Variants in GBE1 observed in about 807,000 individuals in gnomAD.
The protein encoded by GBE1 is 1,4-alpha-glucan branching enzyme 1, also known as 1,4-alpha-glucan-branching enzyme.
A neutral mutation model predicts 88.8 loss-of-function variants in GBE1; 70 were observed. That is an observed-to-expected ratio of 0.79 (90% CI 0.65 to 0.96). The LOEUF is 0.96. GBE1 is among the 40% of genes least tolerant of loss of function. GBE1 has a pLI of 0.00. For missense variants in GBE1, 872 were observed against 871.0 expected (o/e 1.00, Z -0.01); for synonymous variants, 284 against 300.1 (o/e 0.95, Z 0.56).
chr3:81,653,062 G>A (rs375747076), intron 3 of GBE1, among the ~76,000 whole-genome samples: 11 of 152,260 alleles, frequency 7.2e-5, no homozygotes, highest in South Asian at 6.2e-4. Context: ...GTTTAAAAGA[G>A]TTCACTTGAT....
chr3:81,531,475 T>C (rs1234205847), intron 14 of GBE1, among the ~76,000 whole-genome samples: 1 of 152,012 alleles, frequency 6.6e-6, no homozygotes, highest in Non-Finnish European at 1.5e-5. Flanking sequence ...ATCAAAGGCC[T>C]GTGGCAATTG....
At chr3:81,625,829 G>A (rs532087696) in intron 7 of GBE1, among the ~76,000 whole-genome samples, 2 of 152,146 alleles carry the variant, frequency 1.3e-5, no homozygotes, top group South Asian at 2.1e-4. Flanking sequence ...ATTGGAGTAC[G>A]GGGAGAAAAG....
intron 3 of GBE1, among the ~76,000 whole-genome samples, chr3:81,665,054 AG>A (rs1705091652): frequency 6.6e-6 from 1 of 152,218 alleles, no homozygotes; most frequent in Non-Finnish European, 1.5e-5. Context: ...AGTTTGCAAC[AG>A]TGTTTCATAA....
intron 1 of GBE1, among the ~76,000 whole-genome samples, chr3:81,722,320 C>A (rs1706045698): frequency 6.6e-6 from 1 of 151,942 alleles, no homozygotes. Context: ...AAGGGTTGCC[C>A]ATTTAATTAT....
chr3:81,759,646 G>A (rs1418775732), intron 1 of GBE1, among the ~76,000 whole-genome samples: 1 of 152,206 alleles, frequency 6.6e-6, no homozygotes, highest in Non-Finnish European at 1.5e-5. Context: ...CCGGGTCAGA[G>A]TGAGGCATGA....
At chr3:81,517,032 C>T (rs1004135328) in intron 14 of GBE1, among the ~76,000 whole-genome samples, 1 of 151,448 alleles carries the variant, frequency 6.6e-6, no homozygotes, top group African/African-American at 2.4e-5. Context: ...TAATCTTTAT[C>T]AACTAAGTGG....
At chr3:81,675,802 T>A (rs557766048) in intron 2 of GBE1, among the ~76,000 whole-genome samples, 1 of 152,200 alleles carries the variant, frequency 6.6e-6, no homozygotes, top group African/African-American at 2.4e-5. Flanking sequence ...CCTATACGCA[T>A]AAATTATTTT....
intron 14 of GBE1, 121 bp downstream of exon 14, chr3:81,535,074 G>T: frequency 1.1e-6 from 1 of 894,074 alleles, no homozygotes; most frequent in Non-Finnish European, 1.7e-6. Flanking sequence ...TCATTTTTCA[G>T]ATGAGGAAAA....
intron 14 of GBE1, among the ~76,000 whole-genome samples, chr3:81,501,503 G>C (rs944918214): frequency 1.3e-5 from 2 of 151,978 alleles, no homozygotes; most frequent in African/African-American, 4.8e-5. Context: ...GGCATATTTT[G>C]GGGTAGCATG....
chr3:81,509,595 T>TA (rs1333832585), intron 14 of GBE1: 1 of 151,928 alleles, frequency 6.6e-6, no homozygotes, highest in African/African-American at 2.4e-5. Flanking sequence ...CTCTGCCATA[T>TA]AGGACCTAGA....
chr3:81,633,868 T>C (rs985380281), intron 7 of GBE1, among the ~76,000 whole-genome samples: 3 of 152,206 alleles, frequency 2.0e-5, no homozygotes, highest in Middle Eastern at 3.2e-3. Flanking sequence ...CCTTAGTGAC[T>C]GGTTTTTATC....
intron 12 of GBE1, among the ~76,000 whole-genome samples, chr3:81,565,868 T>C (rs1007450941): frequency 9.2e-5 from 14 of 152,234 alleles, no homozygotes; most frequent in Admixed American, 4.6e-4. Context: ...TTTGTTTGCA[T>C]ATAAATCTAT....
rs1421359447 is a variant in GBE1, at chr3:81,733,713, CTA to C, written c.143+27660_143+27661del. 1.3e-5 allele frequency among the ~76,000 whole-genome samples: 2 copies of C among 152,126 alleles called. No individual in the cohort carries two copies. Among genetic ancestry groups the C allele is most frequent in the Non-Finnish European group, 2.9e-5 (2 of 68,000 alleles). On this transcript the variant is annotated intron_variant, in intron 1 of 15. Transcript: ENST00000429644. This position sits in a 1 kb window ranked among gnomAD's most constrained non-coding sequence, Gnocchi z 4.0. ...CAATTCCCGTTTTTATTATATTCTT[CTA>C]TGTTTTCTTTTTGCCATGGCATTTA...
intron 14 of GBE1, among the ~76,000 whole-genome samples, chr3:81,520,701 C>A (rs1485019720): frequency 6.6e-6 from 1 of 151,460 alleles, no homozygotes; most frequent in Non-Finnish European, 1.5e-5. Flanking sequence ...AAATATGAAA[C>A]CTGCCTATTT....
chr3:81,632,699 CTAGGTATA>C (rs1704532108), intron 7 of GBE1, among the ~76,000 whole-genome samples: 1 of 152,110 alleles, frequency 6.6e-6, no homozygotes, highest in Non-Finnish European at 1.5e-5. Context: ...AATCCCATTA[CTAGGTATA>C]TACCCAAAGG....
chr3:81,534,754 T>C (rs891069091), intron 14 of GBE1: 7 of 152,520 alleles, frequency 4.6e-5, no homozygotes, highest in African/African-American at 1.7e-4. Flanking sequence ...ATATTGCTGC[T>C]CTAAATATTA....
chr3:81,490,069 A>G lies in GBE1; in HGVS notation c.*338T>C, dbSNP rs966135879. On this transcript the variant is annotated 3_prime_UTR_variant, in exon 16 of 16. Coordinates refer to ENST00000429644, the MANE Select transcript of GBE1 (RefSeq NM_000158.4). Reference sequence around the variant, plus strand: ...GTACATTTAACAGAAATAATCATACATGACAAATGATTCAAATTTGAATTT... The same window carrying G: ...GTACATTTAACAGAAATAATCATACGTGACAAATGATTCAAATTTGAATTT... 1 of 243,966 alleles carries G rather than the reference A, an allele frequency of 4.1e-6. No individual in the cohort carries two copies. Among genetic ancestry groups the G allele is most frequent in the African/African-American group, 2.3e-5 (1 of 43,242 alleles). 15.1% of individuals were successfully genotyped at this position (243,966 alleles called of 1,614,324 possible).
chr3:81,504,378 T>C (rs1039723648), intron 14 of GBE1, among the ~76,000 whole-genome samples: 2 of 152,218 alleles, frequency 1.3e-5, no homozygotes, highest in Non-Finnish European at 2.9e-5. Context: ...TTACTATACT[T>C]GTTCTAGTCC....
intron 1 of GBE1, among the ~76,000 whole-genome samples, chr3:81,709,279 C>T (rs1705820530): frequency 6.6e-6 from 1 of 152,026 alleles, no homozygotes; most frequent in Admixed American, 6.6e-5. Context: ...ATACCATATG[C>T]AAACTCTTTA....
Sources: gnomAD v4.1 joint callset for allele counts (sites outside exome capture counted in the v4.1 genomes callset) on GRCh38, gnomAD v4.1.1 for gene constraint, Gnocchi (gnomAD v3.1) non-coding constraint, MANE v1.5 for transcripts, NCBI Gene and HGNC (gene_info 2026-07-23, HGNC 2026-07-21) for gene names.